The following KCNQ3 variants were observed in gnomAD, a reference collection of about 807,000 sequenced individuals.
KCNQ3 encodes the protein potassium voltage-gated channel subfamily KQT member 3.
Under a neutral mutation model 92.5 loss-of-function variants are expected in KCNQ3, and 30 were observed. That is an observed-to-expected ratio of 0.32 (90% CI 0.24 to 0.44). The LOEUF (loss-of-function observed/expected upper bound fraction) is 0.44. Among genes scored for constraint, KCNQ3 ranks in the 20% least tolerant of loss-of-function variants. The pLI is 1.00. For synonymous variants in KCNQ3, 450 were observed against 468.8 expected, an observed-to-expected ratio of 0.96 and a Z score of 0.52; for missense variants, 913 against 1,140.3, an observed-to-expected ratio of 0.80 and a Z score of 2.87.
intron 1 of KCNQ3, among the ~76,000 whole-genome samples, chr8:132,347,720 G>A (rs1818737435): frequency 6.6e-6 from 1 of 152,186 alleles, no homozygotes; most frequent in Non-Finnish European, 1.5e-5. Flanking sequence ...GCTCACGCCT[G>A]TAATCCCAGC....
At chr8:132,214,976 G>A (rs1297671270) in intron 1 of KCNQ3, among the ~76,000 whole-genome samples, 6 of 152,210 alleles carry the variant, frequency 3.9e-5, no homozygotes, top group South Asian at 2.1e-4. Context: ...CACAGATGCC[G>A]GACTCCTTTC....
At chr8:132,477,734 C>T (rs557507948) in intron 1 of KCNQ3, among the ~76,000 whole-genome samples, 1 of 152,320 alleles carries the variant, frequency 6.6e-6, no homozygotes, top group South Asian at 2.1e-4. Context: ...TGATTCTAAA[C>T]TCTCATTTCT....
At chr8:132,454,273 G>T (rs540741552) in intron 1 of KCNQ3, among the ~76,000 whole-genome samples, 7 of 152,262 alleles carry the variant, frequency 4.6e-5, no homozygotes, top group African/African-American at 1.7e-4. Flanking sequence ...CAGCCTAACA[G>T]CTGTGTGTCC....
chr8:132,281,976 C>T (rs547817318), intron 1 of KCNQ3, among the ~76,000 whole-genome samples: 1 of 152,246 alleles, frequency 6.6e-6, no homozygotes, highest in Admixed American at 6.5e-5. Context: ...TATCAATCAC[C>T]TTCCTCACAT....
chr8:132,278,431 G>A (rs569127621), intron 1 of KCNQ3, among the ~76,000 whole-genome samples: 20 of 152,320 alleles, frequency 1.3e-4, no homozygotes, highest in Non-Finnish European at 2.5e-4. Flanking sequence ...TGAAAGAGCA[G>A]CTTCCTATGG....
intron 1 of KCNQ3, among the ~76,000 whole-genome samples, chr8:132,240,182 CT>C (rs11342824): frequency 0.1 from 11,417 of 111,718 alleles, 304 homozygotes; most frequent in Admixed American, 0.14. Flanking sequence ...TGCCATGATT[CT>C]TTTTTTTTTT....
At chr8:132,379,212 C>T (rs770028521) in intron 1 of KCNQ3, among the ~76,000 whole-genome samples, 9 of 152,182 alleles carry the variant, frequency 5.9e-5, no homozygotes, top group Non-Finnish European at 1.0e-4. Context: ...CTATGAAAGA[C>T]TTCCTATTTG....
chr8:132,212,062 G>A (rs1444483887), intron 1 of KCNQ3, among the ~76,000 whole-genome samples: 1 of 151,832 alleles, frequency 6.6e-6, no homozygotes, highest in African/African-American at 2.4e-5. Context: ...CTGACCCCCT[G>A]GGCTTAGCTA....
intron 1 of KCNQ3, among the ~76,000 whole-genome samples, chr8:132,330,198 G>A (rs1341714938): frequency 6.6e-6 from 1 of 152,176 alleles, no homozygotes; most frequent in African/African-American, 2.4e-5. Context: ...GCTGGGGCAG[G>A]CACAAGAACC....
chr8:132,427,161 T>C lies in KCNQ3; in HGVS notation c.386+52986A>G, dbSNP rs114653568. On this transcript the variant is annotated intron_variant, in intron 1 of 14. Transcript: ENST00000388996. Reference sequence around the variant, plus strand: ...CATGATTGATTAGTGATGCCTATGATTGATTTGTGATGTCTGCCATGGGCA... The same window carrying C: ...CATGATTGATTAGTGATGCCTATGACTGATTTGTGATGTCTGCCATGGGCA... Among the ~76,000 whole-genome samples the C allele has an allele frequency of 2.8e-3, 425 of 152,230 alleles. 1 individual carries two copies. Among genetic ancestry groups the C allele is most frequent in the Middle Eastern group, 0.01 (3 of 294 alleles).
chr8:132,295,927 C>T (rs796602598), intron 1 of KCNQ3, among the ~76,000 whole-genome samples: 7 of 152,018 alleles, frequency 4.6e-5, no homozygotes, highest in East Asian at 3.9e-4. Flanking sequence ...CTAATGCACA[C>T]GGGGCTTAAT....
At chr8:132,262,527 A>C (rs1001351224) in intron 1 of KCNQ3, among the ~76,000 whole-genome samples, 32 of 152,336 alleles carry the variant, frequency 2.1e-4, no homozygotes, top group African/African-American at 7.7e-4. Flanking sequence ...GCGGTTCAGA[A>C]TGACAAGGTT....
At chr8:132,190,434 T>C (rs1312117956) in intron 1 of KCNQ3, among the ~76,000 whole-genome samples, 1 of 152,214 alleles carries the variant, frequency 6.6e-6, no homozygotes, top group African/African-American at 2.4e-5. Flanking sequence ...GACTCTGCCA[T>C]TGCATTCTGG....
chr8:132,388,442 T>C (rs565449323), intron 1 of KCNQ3, among the ~76,000 whole-genome samples: 5 of 152,184 alleles, frequency 3.3e-5, no homozygotes, highest in East Asian at 1.9e-4. Flanking sequence ...AGTTCAACAA[T>C]AGGGTACCGA....
At chr8:132,224,079 C>CTTTTTTTTTTTTTTT (rs1334898354) in intron 1 of KCNQ3, among the ~76,000 whole-genome samples, 1 of 54,114 alleles carries the variant, frequency 1.8e-5, no homozygotes, top group Non-Finnish European at 4.8e-5. Context: ...TCATGCCAGG[C>CTTTTTTTTTTTTTTT]TATTTTTTTT....
intron 8 of KCNQ3, among the ~76,000 whole-genome samples, chr8:132,168,717 A>ATGTGTGTGTGTGTGTGTGTGTGTGTG (rs568659056): frequency 9.2e-6 from 1 of 108,464 alleles, no homozygotes. Flanking sequence ...GATAATGAAT[A>ATGTGTGTGTGTGTGTGTGTGTGTGTG]TGTGTGTGTG....
rs78901856 is a variant in KCNQ3 at position 132,446,508 on chromosome 8, A to C, written c.386+33639T>G. ...TCAGGTTCTTCGTCCTTTAAGCTGA[A>C]AAGCAGAGCTAGACTGGGAAGACCT... On this transcript the variant is annotated intron_variant, in intron 1 of 14. Transcript: ENST00000388996. Among the ~76,000 whole-genome samples, 372 of 152,266 alleles carry C rather than the reference A, an allele frequency of 2.4e-3. 17 individuals are homozygous for C. In the East Asian group the frequency reaches 0.066, roughly 27 times the overall value.
chr8:132,332,984 CA>C (rs1426632037), intron 1 of KCNQ3, among the ~76,000 whole-genome samples: 1 of 152,072 alleles, frequency 6.6e-6, no homozygotes, highest in Non-Finnish European at 1.5e-5. Context: ...GAATCCACAA[CA>C]CTTGTTCAGA....
At chr8:132,225,180 A>G (rs1403147179) in intron 1 of KCNQ3, among the ~76,000 whole-genome samples, 1 of 152,234 alleles carries the variant, frequency 6.6e-6, no homozygotes, top group East Asian at 1.9e-4. Context: ...ATTGTGCCCA[A>G]ATGAAAACGG....
Sources: allele counts gnomAD v4.1 joint callset (sites outside exome capture counted in the v4.1 genomes callset), GRCh38; gene constraint gnomAD v4.1.1; transcripts MANE v1.5; gene names NCBI Gene and HGNC (gene_info 2026-07-23, HGNC 2026-07-21).